ARHGEF26: variants seen among roughly 807,000 people sequenced by gnomAD.
The protein encoded by ARHGEF26 is Rho guanine nucleotide exchange factor (GEF) 26.
In ARHGEF26, 59 loss-of-function variants were observed where a neutral mutation model predicts 89.4. That is an observed-to-expected ratio of 0.66 (90% CI 0.54 to 0.82). ARHGEF26 has a LOEUF of 0.82. Ranked by LOEUF, ARHGEF26 falls within the 40% of genes least tolerant of loss-of-function variation. The pLI is 0.00. For missense variants in ARHGEF26, 1,234 were observed against 1,085.6 expected, an observed-to-expected ratio of 1.14 and a Z score of -1.92; for synonymous variants, 500 against 428.4, an observed-to-expected ratio of 1.17 and a Z score of -2.06.
intron 11 of ARHGEF26, among the ~76,000 whole-genome samples, chr3:154,238,184 A>G (rs912403371): frequency 1.3e-5 from 2 of 152,164 alleles, no homozygotes; most frequent in Non-Finnish European, 2.9e-5. Flanking sequence ...AAAGCGTATT[A>G]TTCACCTTCC....
intron 6 of ARHGEF26, among the ~76,000 whole-genome samples, chr3:154,154,484 T>A (rs1400655003): frequency 2.6e-5 from 4 of 152,198 alleles, no homozygotes; most frequent in South Asian, 4.1e-4. Flanking sequence ...GGTACTTTTT[T>A]ATGTATCAAT....
chr3:154,179,326 A>C (rs1006810015), intron 6 of ARHGEF26, among the ~76,000 whole-genome samples: 7 of 152,216 alleles, frequency 4.6e-5, no homozygotes, highest in Non-Finnish European at 7.3e-5. Context: ...TTCTTTGTTC[A>C]AACTACTCTC....
At chr3:154,239,299 A>AGAGAGTGT (rs1182446964) in intron 11 of ARHGEF26, among the ~76,000 whole-genome samples, 34 of 64,326 alleles carry the variant, frequency 5.3e-4, no homozygotes, top group African/African-American at 1.8e-3. Context: ...AGAGAGAGAG[A>AGAGAGTGT]GTGTGTGTGT....
chr3:154,200,720 C>T (rs1446434440), intron 9 of ARHGEF26, among the ~76,000 whole-genome samples: 4 of 151,018 alleles, frequency 2.6e-5, no homozygotes, highest in East Asian at 3.9e-4. Context: ...TCTTCCAATC[C>T]ATGAACATGG....
intron 12 of ARHGEF26, among the ~76,000 whole-genome samples, chr3:154,242,598 C>T (rs781180707): frequency 1.3e-5 from 2 of 152,112 alleles, no homozygotes; most frequent in Non-Finnish European, 2.9e-5. Context: ...TAGAATATTC[C>T]GTAAACTGAA....
intron 9 of ARHGEF26, among the ~76,000 whole-genome samples, chr3:154,195,904 G>A (rs1005658322): frequency 1.3e-5 from 2 of 152,034 alleles, no homozygotes; most frequent in Non-Finnish European, 2.9e-5. Flanking sequence ...GTCTTATTAG[G>A]GAAAATGAGC....
chr3:154,170,077 A>G (rs1281931521), intron 6 of ARHGEF26, among the ~76,000 whole-genome samples: 1 of 152,234 alleles, frequency 6.6e-6, no homozygotes, highest in African/African-American at 2.4e-5. Context: ...AAAAAAAACA[A>G]CTAGCTGGGC....
intron 10 of ARHGEF26, among the ~76,000 whole-genome samples, chr3:154,219,116 A>G (rs1344507090): frequency 6.6e-6 from 1 of 151,996 alleles, no homozygotes; most frequent in Non-Finnish European, 1.5e-5. Flanking sequence ...CAATTAAAAA[A>G]CCCATCTTTC....
intron 12 of ARHGEF26, among the ~76,000 whole-genome samples, chr3:154,243,974 T>C (rs1412729019): frequency 1.3e-5 from 2 of 152,224 alleles, no homozygotes; most frequent in African/African-American, 2.4e-5. Context: ...ATGCATAGAA[T>C]GTGTTATTTT....
intron 12 of ARHGEF26, among the ~76,000 whole-genome samples, chr3:154,241,170 T>C (rs1229992148): frequency 6.6e-6 from 1 of 152,250 alleles, no homozygotes; most frequent in African/African-American, 2.4e-5. Flanking sequence ...TGAGTGGCAG[T>C]GAGGGTTAAC....
At chr3:154,191,196 G>T in intron 7 of ARHGEF26, 93 bp from the exon 8 acceptor site, 1 of 1,339,534 alleles carries the variant, frequency 7.5e-7, no homozygotes, top group South Asian at 1.4e-5. Context: ...ATGCTATATG[G>T]ATTTATCACA....
At position 154,183,936 on chromosome 3, in the gene ARHGEF26, T is replaced by C. The variant is rs377245341; in HGVS notation, c.1488-3749T>C. Among the ~76,000 whole-genome samples, 64 of 152,142 alleles carry C rather than the reference T, an allele frequency of 4.2e-4. 1 individual carries two copies. The highest frequency in any genetic ancestry group is 1.4e-3 in the African/African-American group (59 of 41,544). On this transcript the variant is annotated intron_variant, in intron 6 of 14. Transcript: ENST00000465093. Reference sequence around the variant, plus strand: ...GCCTCAAGATATTTATATCCTAGAATTATAACGGCCTTATGGTTTCTTCTT... The same window carrying C: ...GCCTCAAGATATTTATATCCTAGAACTATAACGGCCTTATGGTTTCTTCTT...
intron 11 of ARHGEF26, among the ~76,000 whole-genome samples, chr3:154,236,541 C>T (rs939909017): frequency 1.3e-5 from 2 of 152,316 alleles, no homozygotes; most frequent in Non-Finnish European, 2.9e-5. Flanking sequence ...GTTTCAGAGA[C>T]TATATAAACC....
chr3:154,138,454 GA>G (rs1719154877), intron 4 of ARHGEF26, among the ~76,000 whole-genome samples: 1 of 152,094 alleles, frequency 6.6e-6, no homozygotes, highest in Non-Finnish European at 1.5e-5. Flanking sequence ...AGAGATTGAG[GA>G]AAAAACTACT....
At chr3:154,227,919 A>C (rs535293413) in intron 11 of ARHGEF26, among the ~76,000 whole-genome samples, 2 of 152,334 alleles carry the variant, frequency 1.3e-5, no homozygotes, top group South Asian at 2.1e-4. Flanking sequence ...AGGTATTTAA[A>C]CCAGTACAGT....
rs1237698594 is a variant in ARHGEF26 at position 154,217,265 on chromosome 3, T to A, written c.1846-604T>A. On this transcript the variant is annotated intron_variant, in intron 9 of 14. Coordinates refer to ENST00000465093, the MANE Select transcript of ARHGEF26 (RefSeq NM_015595.4). Reference sequence around the variant, plus strand: ...GATGGTATCTCATTGTGGTTTTGATTTGCATTTCTCTGATGGCCAGTGATG... The same window carrying A: ...GATGGTATCTCATTGTGGTTTTGATATGCATTTCTCTGATGGCCAGTGATG... Among the ~76,000 whole-genome samples the A allele has an allele frequency of 9.9e-5, 15 of 151,346 alleles. 2 individuals carry two copies. Among genetic ancestry groups the A allele is most frequent in the East Asian group, 2.0e-4 (1 of 5,034 alleles).
chr3:154,154,341 C>T (rs563765488), intron 6 of ARHGEF26, among the ~76,000 whole-genome samples: 4 of 151,930 alleles, frequency 2.6e-5, no homozygotes, highest in African/African-American at 7.2e-5. Context: ...TGAGTACCAG[C>T]GTGCTCATTG....
intron 11 of ARHGEF26, among the ~76,000 whole-genome samples, chr3:154,235,746 T>A (rs1717086522): frequency 6.6e-6 from 1 of 152,096 alleles, no homozygotes; most frequent in Non-Finnish European, 1.5e-5. Context: ...GTCAGATCCC[T>A]CCTTTTTAAA....
chr3:154,188,007 T>C (rs1291570801), intron 7 of ARHGEF26, among the ~76,000 whole-genome samples, 170 bp downstream of exon 7: 1 of 152,208 alleles, frequency 6.6e-6, no homozygotes, highest in African/African-American at 2.4e-5. Flanking sequence ...GGTGTTTAAG[T>C]AGAAAAATCT....
Sources: gnomAD v4.1 joint callset for allele counts (sites outside exome capture counted in the v4.1 genomes callset) on GRCh38, gnomAD v4.1.1 for gene constraint, MANE v1.5 for transcripts, NCBI Gene and HGNC (gene_info 2026-07-23, HGNC 2026-07-21) for gene names.